The following BLACAT1 variants were observed in gnomAD, a reference collection of about 807,000 sequenced individuals.
BLACAT1 encodes the protein BLACAT1 overlapping LEMD1 locus, also known as bladder cancer associated transcript 1.
At chr1:205,439,940 G>A (rs78068163) in exon 2 of BLACAT1, among the ~76,000 whole-genome samples, 172 of 152,126 alleles carry the variant, frequency 1.1e-3, no homozygotes, top group African/African-American at 3.9e-3. Context: ...TAAGGGCAGA[G>A]GCTGAAGCTG....
chr1:205,446,593 A>G (rs781641687), intron 1 of BLACAT1, among the ~76,000 whole-genome samples: 3 of 152,216 alleles, frequency 2.0e-5, no homozygotes, highest in Non-Finnish European at 4.4e-5. Context: ...AGGGGGCAGG[A>G]AGGTGGCATG....
At chr1:205,437,920 C>T (rs186129845), downstream of BLACAT1, 256 of 152,298 alleles carry the variant, frequency 1.7e-3, 1 homozygote, top group African/African-American at 6.0e-3. Context: ...TTAATTATTG[C>T]TCTTTTTTTT....
At chr1:205,447,465 G>C (rs1242869137) in intron 1 of BLACAT1, among the ~76,000 whole-genome samples, 1 of 152,058 alleles carries the variant, frequency 6.6e-6, no homozygotes, top group African/African-American at 2.4e-5. Context: ...AGACAGACTG[G>C]GGACTGGAAC....
At chr1:205,437,750 C>T (rs1429932917), downstream of BLACAT1, 2 of 152,274 alleles carry the variant, frequency 1.3e-5, no homozygotes, top group African/African-American at 2.4e-5. Flanking sequence ...ATGTAATCCC[C>T]TATTTATAGT....
chr1:205,438,947 T>TCCACTTTCCTAAC (rs1434412612), downstream of BLACAT1, among the ~76,000 whole-genome samples: 1 of 152,176 alleles, frequency 6.6e-6, no homozygotes, highest in Non-Finnish European at 1.5e-5. Flanking sequence ...ACGTACTTTC[T>TCCACTTTCCTAAC]CCACTTTCCT....
At chr1:205,436,991 T>A (rs1666219949), downstream of BLACAT1, 1 of 152,540 alleles carries the variant, frequency 6.6e-6, no homozygotes, top group Admixed American at 6.5e-5. Context: ...GGAGGCAATT[T>A]GCCAAGGTCA....
At chr1:205,443,801 G>A (rs936949672) in intron 1 of BLACAT1, among the ~76,000 whole-genome samples, 2 of 152,190 alleles carry the variant, frequency 1.3e-5, no homozygotes, top group Non-Finnish European at 2.9e-5. Flanking sequence ...CTGAAGTGGG[G>A]GGACATGGGG....
intron 1 of BLACAT1, among the ~76,000 whole-genome samples, chr1:205,449,617 G>GC (rs113645887): frequency 0.095 from 14,374 of 152,076 alleles, 740 homozygotes; most frequent in African/African-American, 0.11. Flanking sequence ...AGCACAGCAC[G>GC]CCCCTCCACA....
rs1461591226 is a variant in BLACAT1, at chr1:205,449,995, G to A, written c.-37+5922C>T. The A allele has an allele frequency of 2.6e-5, 4 of 152,370 alleles. No homozygotes were observed. The East Asian group carries it at 7.7e-4, about 30-fold the overall frequency. The allele number at this position is 152,370 out of a possible 1,614,324, so 9.4% of individuals were successfully genotyped here. On this transcript the variant is annotated intron_variant, in intron 1 of 1. Transcript: ENST00000629624. The stretch of plus-strand genomic sequence containing the variant: ...CCGAGAAGCTCCACGCCCCAGCGAG[G>A]GCAGGCCTCCTCCCTCCCCCTGCCC...
At chr1:205,436,737 C>A (rs1666214095), downstream of BLACAT1, 1 of 152,168 alleles carries the variant, frequency 6.6e-6, no homozygotes, top group African/African-American at 2.4e-5. Context: ...ATAGCAGCCA[C>A]CTTCAGGAGG....
Position 205,441,878 on chromosome 1 carries a change from G to C in BLACAT1, c.-36-816C>G, listed in dbSNP as rs1666299035. Among the ~76,000 whole-genome samples the C allele has an allele frequency of 6.6e-6, 1 of 152,210 alleles. No homozygotes were observed. The highest frequency in any genetic ancestry group is 2.4e-5 in the African/African-American group (1 of 41,466). ...GACACGCTGTCCCCCACCTCTGGCT[G>C]ACCCGGCCCTCAGCAGGAGCCAGGG... On this transcript the variant is annotated intron_variant, in intron 1 of 1. Coordinates refer to ENST00000629624, the Ensembl canonical transcript of BLACAT1. This position sits in a 1 kb window ranked among gnomAD's most constrained non-coding sequence, Gnocchi z 4.3.
intron 1 of BLACAT1, among the ~76,000 whole-genome samples, chr1:205,452,151 T>C (rs1019483821): frequency 6.6e-6 from 1 of 152,140 alleles, no homozygotes; most frequent in Admixed American, 6.6e-5. Flanking sequence ...TTAATCTTAG[T>C]GCAAGCTGCA....
chr1:205,454,529 T>C (rs1215255851), intron 1 of BLACAT1, among the ~76,000 whole-genome samples: 1 of 141,112 alleles, frequency 7.1e-6, no homozygotes, highest in Admixed American at 7.1e-5. Context: ...CTGGTGTGAG[T>C]GTGTGTGTGT....
intron 1 of BLACAT1, among the ~76,000 whole-genome samples, chr1:205,454,040 A>T (rs1666531398): frequency 6.6e-6 from 1 of 152,182 alleles, no homozygotes; most frequent in African/African-American, 2.4e-5. Context: ...GGCTCTCCCA[A>T]GCCCCTGTGG....
intron 1 of BLACAT1, among the ~76,000 whole-genome samples, chr1:205,454,003 G>A (rs1417434317): frequency 1.3e-5 from 2 of 152,148 alleles, no homozygotes; most frequent in African/African-American, 4.8e-5. Flanking sequence ...GGGTGATGGT[G>A]CCCCAGCCCA....
At chr1:205,451,386 C>T (rs1281419797) in intron 1 of BLACAT1, among the ~76,000 whole-genome samples, 4 of 152,200 alleles carry the variant, frequency 2.6e-5, no homozygotes, top group African/African-American at 9.6e-5. Flanking sequence ...ATTTGGGAAA[C>T]TTCTGCCCCA....
At chr1:205,435,343 A>T (rs932889985), downstream of BLACAT1, 9 of 152,314 alleles carry the variant, frequency 5.9e-5, no homozygotes, top group African/African-American at 2.2e-4. Flanking sequence ...AAGCTGGGCC[A>T]GAGGGAACAG....
chr1:205,451,332 AG>A (rs1447691764), intron 1 of BLACAT1, among the ~76,000 whole-genome samples: 1 of 152,128 alleles, frequency 6.6e-6, no homozygotes, highest in Non-Finnish European at 1.5e-5. Flanking sequence ...CCACTTCAGG[AG>A]TTTCCACCCC....
intron 1 of BLACAT1, among the ~76,000 whole-genome samples, chr1:205,451,729 C>T (rs539461681): frequency 6.6e-6 from 1 of 150,382 alleles, no homozygotes; most frequent in African/African-American, 2.4e-5. Context: ...AGAAAAAAGG[C>T]GAGAAGGGGA....
Sources: gnomAD v4.1 joint callset for allele counts (sites outside exome capture counted in the v4.1 genomes callset) on GRCh38, gnomAD v4.1.1 for gene constraint, Gnocchi (gnomAD v3.1) non-coding constraint, MANE v1.5 for transcripts, NCBI Gene and HGNC (gene_info 2026-07-23, HGNC 2026-07-21) for gene names.